CEP128: variants seen among roughly 807,000 people sequenced by gnomAD.
CEP128 encodes centrosomal protein 128kDa.
In CEP128, 132 loss-of-function variants were observed where a neutral mutation model predicts 156.7. The ratio of observed to expected loss-of-function variants is 0.84; its 90% confidence interval spans 0.73 to 0.97. The LOEUF is 0.97. Among genes scored for constraint, CEP128 ranks in the 50% least tolerant of loss-of-function variants. The pLI is 0.00. For missense variants in CEP128, 1,252 were observed against 1,281.9 expected (o/e 0.98, Z 0.36); for synonymous variants, 469 against 448.9 (o/e 1.04, Z -0.57).
intron 16 of CEP128, among the ~76,000 whole-genome samples, chr14:80,763,788 A>G (rs1900088827): frequency 6.6e-6 from 1 of 152,298 alleles, no homozygotes; most frequent in East Asian, 1.9e-4. Context: ...TGAAGACACA[A>G]ATTCAATATG....
intron 15 of CEP128, among the ~76,000 whole-genome samples, chr14:80,781,860 G>A (rs548181427): frequency 6.6e-6 from 1 of 152,276 alleles, no homozygotes; most frequent in Non-Finnish European, 1.5e-5. Context: ...AGATGATCTT[G>A]AACATGCTCT....
intron 8 of CEP128, among the ~76,000 whole-genome samples, chr14:80,886,613 A>G (rs1888814192): frequency 1.3e-5 from 2 of 152,248 alleles, no homozygotes; most frequent in African/African-American, 4.8e-5. Context: ...CTGCCTTGCA[A>G]GAGCTCCTGA....
chr14:80,522,332 G>T (rs1043026837), intron 23 of CEP128, among the ~76,000 whole-genome samples: 1 of 152,144 alleles, frequency 6.6e-6, no homozygotes, highest in Admixed American at 6.6e-5. Flanking sequence ...AGAGAGAAAT[G>T]AGTTCAAGGA....
intron 2 of CEP128, among the ~76,000 whole-genome samples, chr14:80,950,025 T>G (rs1886429023): frequency 6.6e-6 from 1 of 152,144 alleles, no homozygotes; most frequent in Admixed American, 6.5e-5. Flanking sequence ...TTAACGATAT[T>G]TAAATTAAGT....
chr14:80,745,207 G>GCT (rs1488284256), intron 18 of CEP128, among the ~76,000 whole-genome samples: 1 of 151,732 alleles, frequency 6.6e-6, no homozygotes, highest in Non-Finnish European at 1.5e-5. Flanking sequence ...TTCATCCTTT[G>GCT]CTCTCTCTCT....
At chr14:80,583,310 G>T (rs1410004053) in intron 19 of CEP128, among the ~76,000 whole-genome samples, 1 of 152,088 alleles carries the variant, frequency 6.6e-6, no homozygotes, top group East Asian at 1.9e-4. Flanking sequence ...GGTATAAGCA[G>T]ACACCTGTTT....
intron 13 of CEP128, among the ~76,000 whole-genome samples, chr14:80,813,742 G>GCATCAATTGATGCAATTA (rs1566645248): frequency 9.9e-5 from 15 of 152,002 alleles, no homozygotes; most frequent in Admixed American, 7.2e-4. Flanking sequence ...TGCAATTCTA[G>GCATCAATTGATGCAATTA]TTTTATAAAT....
intron 11 of CEP128, among the ~76,000 whole-genome samples, chr14:80,836,617 A>G (rs946878872): frequency 1.3e-5 from 2 of 152,056 alleles, no homozygotes; most frequent in Admixed American, 6.6e-5. Flanking sequence ...ATTAACCCAA[A>G]TCAACTTCAA....
At chr14:80,863,107 A>C (rs1004380142) in intron 8 of CEP128, among the ~76,000 whole-genome samples, 12 of 152,194 alleles carry the variant, frequency 7.9e-5, no homozygotes, top group Non-Finnish European at 1.5e-4. Context: ...ATCCCAATAA[A>C]TGCCTCAAAT....
downstream of CEP128, among the ~76,000 whole-genome samples, chr14:80,494,207 T>C (rs1252933761): frequency 6.6e-6 from 1 of 152,196 alleles, no homozygotes; most frequent in Non-Finnish European, 1.5e-5. Context: ...CTTTCCAAAA[T>C]TTCCTTTCCA....
intron 22 of CEP128, among the ~76,000 whole-genome samples, chr14:80,528,445 C>T (rs921471774): frequency 1.3e-5 from 2 of 152,190 alleles, no homozygotes; most frequent in African/African-American, 2.4e-5. Flanking sequence ...TGTGCCATCA[C>T]GCCCAGCTAA....
chr14:80,921,109 C>T (rs958112920), intron 2 of CEP128, among the ~76,000 whole-genome samples: 5 of 152,080 alleles, frequency 3.3e-5, no homozygotes, highest in Admixed American at 1.3e-4. Context: ...TGACAAAGCA[C>T]GGGATAAAAG....
intron 19 of CEP128, among the ~76,000 whole-genome samples, chr14:80,701,297 C>G (rs1279067033): frequency 6.6e-6 from 1 of 152,132 alleles, no homozygotes; most frequent in African/African-American, 2.4e-5. Context: ...GCCGTAACTG[C>G]TGTGAGGGTA....
At chr14:80,592,461 T>C (rs1892118995) in intron 19 of CEP128, among the ~76,000 whole-genome samples, 1 of 152,158 alleles carries the variant, frequency 6.6e-6, no homozygotes, top group African/African-American at 2.4e-5. Flanking sequence ...AGGAAGAAGC[T>C]GAATCCCTGA....
chr14:80,631,614 A>T (rs150615770), intron 19 of CEP128, among the ~76,000 whole-genome samples: 128 of 152,174 alleles, frequency 8.4e-4, no homozygotes, highest in African/African-American at 2.8e-3. Context: ...CTAATCTTTG[A>T]TTTGATGTTG....
At chr14:80,878,967 A>G (rs979472746) in intron 8 of CEP128, among the ~76,000 whole-genome samples, 2 of 152,178 alleles carry the variant, frequency 1.3e-5, no homozygotes, top group African/African-American at 4.8e-5. Context: ...CCCCACTCTA[A>G]GGAAGACAAA....
chr14:80,784,833 T>G, intron 15 of CEP128, 62 bp downstream of exon 15: 1 of 1,363,224 alleles, frequency 7.3e-7, no homozygotes, highest in Non-Finnish European at 1.0e-6. Context: ...TTACGCTTTA[T>G]TAACTTCATG....
intron 21 of CEP128, among the ~76,000 whole-genome samples, chr14:80,551,990 C>A (rs1349911385): frequency 6.6e-6 from 1 of 152,116 alleles, no homozygotes; most frequent in Non-Finnish European, 1.5e-5. Context: ...CCTCATGGAA[C>A]TCGGGATGGG....
chr14:80,777,871 C>CA lies in CEP128; in HGVS notation c.2376+10dup. ...TTAGAATTTGAAATTAGAATTCACTCATATTTTTACCCTTTCTTCTAGTTG... is the reference window on the plus strand; with the variant it reads ...TTAGAATTTGAAATTAGAATTCACTCAATATTTTTACCCTTTCTTCTAGTTG... On this transcript the variant is annotated intron_variant, in intron 16 of 24. Coordinates refer to ENST00000555265, the MANE Select transcript of CEP128 (RefSeq NM_152446.5). 6.5e-7 allele frequency: 1 copy of CA among 1,543,652 alleles called. No individual in the cohort carries two copies. The highest frequency in any genetic ancestry group is 8.9e-7 in the Non-Finnish European group (1 of 1,125,866).
Sources: allele counts gnomAD v4.1 joint callset (sites outside exome capture counted in the v4.1 genomes callset), GRCh38; gene constraint gnomAD v4.1.1; transcripts MANE v1.5; gene names NCBI Gene and HGNC (gene_info 2026-07-23, HGNC 2026-07-21).